MKI67: variants seen among roughly 807,000 people sequenced by gnomAD.
MKI67 encodes marker of proliferation Ki-67, also known as proliferation marker protein Ki-67.
In MKI67, 152 loss-of-function variants were observed where a neutral mutation model predicts 233.5. That is an observed-to-expected ratio of 0.65 (90% CI 0.57 to 0.74). The LOEUF (loss-of-function observed/expected upper bound fraction) is 0.74. Ranked by LOEUF, MKI67 falls within the 30% of genes least tolerant of loss-of-function variation. The pLI is 0.00. For synonymous variants in MKI67, 1,465 were observed against 1,418.5 expected (o/e 1.03, Z -0.74); for missense variants, 3,940 against 3,885.2 (o/e 1.01, Z -0.37).
chr10:128,100,550 T>A (rs1231540697), intron 14 of MKI67, among the ~76,000 whole-genome samples: 1 of 152,236 alleles, frequency 6.6e-6, no homozygotes, highest in Non-Finnish European at 1.5e-5. Context: ...ATTATATTTT[T>A]GTGAATTGCT....
chr10:128,105,028 G>C lies in MKI67; in HGVS notation c.6812C>G (p.Pro2271Arg). The C allele has an allele frequency of 6.2e-7, 1 of 1,613,118 alleles. No individual in the cohort carries two copies. The highest frequency in any genetic ancestry group is 8.5e-7 in the Non-Finnish European group (1 of 1,179,852). The change falls in exon 13 of 15, where the codon CCA (proline) becomes CGA (arginine). Residue 2271 changes from proline to arginine, a missense_variant. By Grantham distance (103) the Pro-to-Arg change is moderately radical. Transcript: ENST00000368654. ...SVGKAMDTPK[P>R]AGGDEKDMKA... ...CATGTCTTTCTCATCACCTCCTGCT[G>C]GTTTGGGTGTGTCCATAGCTTTCCC...
At chr10:128,121,704 C>T (rs1448055021) in intron 4 of MKI67, among the ~76,000 whole-genome samples, 1 of 150,548 alleles carries the variant, frequency 6.6e-6, no homozygotes, top group East Asian at 1.9e-4. Flanking sequence ...TAAAGCAAAC[C>T]TTGACACATT....
At position 128,105,562 on chromosome 10, in the gene MKI67, G is replaced by A. The variant is rs753990300; in HGVS notation, c.6278C>T (p.Thr2093Ile). Residue 2093 changes from threonine (T) to isoleucine (I), a missense_variant, in exon 13 of 15, where the codon ACA becomes ATA. Physicochemically the swap from Thr to Ile is moderately conservative, Grantham distance 89. Transcript: ENST00000368654. ...FQTPDHTEES[T>I]TDDKTTKIAC... ...TATTTTGGTAGTTTTGTCATCAGTT[G>A]TTGATTCCTCAGTGTGGTCTGGTGT... The A allele has an allele frequency of 2.0e-5, 32 of 1,613,906 alleles. No homozygotes were observed. The highest frequency in any genetic ancestry group is 2.5e-5 in the Non-Finnish European group (29 of 1,180,004).
In MKI67 at chr10:128,105,019, C is replaced by A; in HGVS notation, c.6821G>T (p.Gly2274Val). The change falls in exon 13 of 15, where the codon GGT becomes GTT. Residue 2274 changes from glycine to valine, a missense_variant. Physicochemically the swap from Gly to Val is moderately radical, Grantham distance 109 (BLOSUM62 -3). Transcript: ENST00000368654. ...AAATGCTTTCATGTCTTTCTCATCA[C>A]CTCCTGCTGGTTTGGGTGTGTCCAT... is the stretch of plus-strand genomic sequence containing the variant. ...KAMDTPKPAG[G>V]DEKDMKAFMG... 1.9e-6 allele frequency: 3 copies of A among 1,613,390 alleles called. No homozygotes were observed. The highest frequency in any genetic ancestry group is 2.5e-6 in the Non-Finnish European group (3 of 1,179,910).
intron 1 of MKI67, 37 bp downstream of exon 1, chr10:128,126,061 AC>A: frequency 4.1e-6 from 1 of 243,934 alleles, no homozygotes; most frequent in Non-Finnish European, 8.0e-6. Context: ...TCAGCCCTCG[AC>A]CCCGGACAGC....
rs193266380 is a variant in MKI67, at chr10:128,105,208, G to A, written c.6632C>T (p.Thr2211Met). 56 of 1,613,858 alleles carry A rather than the reference G, an allele frequency of 3.5e-5. No homozygotes were observed. The highest frequency in any genetic ancestry group is 1.6e-4 in the Middle Eastern group (1 of 6,078). The change falls in exon 13 of 15, where the codon ACG becomes ATG. Residue 2211 changes from threonine (T) to methionine (M), a missense_variant. Physicochemically the swap from Thr to Met is moderately conservative, Grantham distance 81. Coordinates refer to ENST00000368654, the MANE Select transcript of MKI67 (RefSeq NM_002417.5). ...FQTPICTDKP[T>M]THEKTTKIAC... ...TATTTTGGTAGTTTTCTCATGAGTC[G>A]TGGGCTTGTCAGTGCATATTGGTGT...
chr10:128,119,443 T>A, intron 4 of MKI67, 124 bp from the exon 5 acceptor site: 1 of 618,904 alleles, frequency 1.6e-6, no homozygotes, highest in Non-Finnish European at 2.8e-6. Flanking sequence ...GACATCACCT[T>A]ATACAAAGAA....
rs1301069040 is a variant in MKI67, at chr10:128,123,145, G to A, written c.117C>T (p.Ile39=). The A allele has an allele frequency of 1.2e-6, 2 of 1,613,912 alleles. No individual in the cohort carries two copies. Among genetic ancestry groups the A allele is most frequent in the Non-Finnish European group, 1.7e-6 (2 of 1,179,864 alleles). The change falls in exon 3 of 15, where the codon ATC becomes ATT. Residue 39 remains isoleucine, a synonymous_variant. Coordinates refer to ENST00000368654, the MANE Select transcript of MKI67 (RefSeq NM_002417.5). ...FGRGIECDIR[I]QLPVVSKQHC... is the part of the protein sequence containing the mutation. ...GTTGTTTTGACACAACAGGAAGCTG[G>A]ATACGGATGTCACATTCAATACCCC... is the stretch of plus-strand genomic sequence containing the variant.
chr10:128,109,511 T>A, intron 12 of MKI67, 88 bp from the exon 13 acceptor site: 1 of 1,416,176 alleles, frequency 7.1e-7, no homozygotes, highest in South Asian at 1.4e-5. Flanking sequence ...GGTAAAAAAC[T>A]AAATATTTAG....
Position 128,105,711 on chromosome 10 carries a change from C to A in MKI67, c.6129G>T (p.Lys2043Asn). Residue 2043 changes from lysine to asparagine, a missense_variant, in exon 13 of 15, where the codon AAG (lysine) becomes AAT (asparagine). Lys to Asn is a moderately conservative substitution (Grantham distance 94). Transcript: ENST00000368654. Reference protein sequence around the residue: ...AGDGKSIKAFKESAKQMLDPA... With the variant: ...AGDGKSIKAFNESAKQMLDPA... ...GGTCCAGCATCTGCTTTGCAGATTC[C>A]TTAAACGCTTTGATGCTCTTTCCAT... 1 of 1,614,116 alleles carries A rather than the reference C, an allele frequency of 6.2e-7. No homozygotes were observed. The highest frequency in any genetic ancestry group is 8.5e-7 in the Non-Finnish European group (1 of 1,180,042).
In MKI67 at chr10:128,109,488, C is replaced by T; in HGVS notation, c.2417-65G>A. On this transcript the variant is annotated intron_variant, in intron 12 of 14. Transcript: ENST00000368654. ...GTCTCATGTCAATCGAGTATTACAG[C>T]CTCATAAAATATGGTAAAAAACTAA... 2.0e-6 allele frequency: 3 copies of T among 1,509,502 alleles called. No individual in the cohort carries two copies. The South Asian group carries it at 3.9e-5, about 20-fold the overall frequency. 93.5% of individuals were successfully genotyped at this position (1,509,502 alleles called of 1,614,324 possible). A position where few individuals can be genotyped will look rare whatever the true frequency, so the allele number is the denominator to read the frequency against.
In MKI67 at chr10:128,115,138, C is replaced by T. The variant is rs778211280; in HGVS notation, c.1270G>A (p.Gly424Arg). 8 of 1,614,198 alleles carry T rather than the reference C, an allele frequency of 5.0e-6. No individual in the cohort carries two copies. The highest frequency in any genetic ancestry group is 6.8e-6 in the Non-Finnish European group (8 of 1,180,040). The change falls in exon 7 of 15, where the codon GGA (glycine) becomes AGA (arginine). Residue 424 changes from glycine to arginine, a missense_variant. Coordinates refer to ENST00000368654, the MANE Select transcript of MKI67 (RefSeq NM_002417.5). ...ACTTCCACATCTGTAGGAATACTTC[C>T]TCTGGTTTTGGAAGAGAGATTTTCT... The part of the protein sequence containing the change: ...KPENLSSKTR[G>R]SIPTDVEVLP...
intron 2 of MKI67, among the ~76,000 whole-genome samples, chr10:128,123,985 T>C (rs929587472): frequency 1.3e-5 from 2 of 152,214 alleles, no homozygotes; most frequent in Non-Finnish European, 2.9e-5. Context: ...GAATAAACTA[T>C]GCAATGGCCT....
chr10:128,119,193 T>TA (rs1852873287), intron 5 of MKI67, 60 bp downstream of exon 5: 2 of 1,186,034 alleles, frequency 1.7e-6, no homozygotes, highest in Non-Finnish European at 2.5e-6. Flanking sequence ...CATTAAAGCA[T>TA]ACATAAATGA....
chr10:128,099,157 CT>C lies in MKI67; in HGVS notation c.*32del, dbSNP rs765700688. The C allele has an allele frequency of 4.5e-6, 7 of 1,547,786 alleles. No homozygotes were observed. Among genetic ancestry groups the C allele is most frequent in the Non-Finnish European group, 6.2e-6 (7 of 1,128,584 alleles). ...GCACTAGAACTTATCACAAAACTAA[CT>C]TTATTATATTTTTCCCAGTTCGATT... is the stretch of plus-strand genomic sequence containing the variant. On this transcript the variant is annotated 3_prime_UTR_variant, in exon 15 of 15. Coordinates refer to ENST00000368654, the MANE Select transcript of MKI67 (RefSeq NM_002417.5).
rs1852463672 is a variant in MKI67 at position 128,105,529 on chromosome 10, T to C, written c.6311A>G (p.Lys2104Arg). ...GTCCATTGATTCTGGTGGTGGAGAT[T>C]TGCAGGCTATTTTGGTAGTTTTGTC... ...TDDKTTKIAC[K>R]SPPPESMDTP... The change falls in exon 13 of 15, where the codon AAA becomes AGA. Residue 2104 changes from lysine to arginine, a missense_variant. Coordinates refer to ENST00000368654, the MANE Select transcript of MKI67 (RefSeq NM_002417.5). 1 of 1,613,376 alleles carries C rather than the reference T, an allele frequency of 6.2e-7. No individual in the cohort carries two copies. The highest frequency in any genetic ancestry group is 1.3e-5 in the African/African-American group (1 of 74,674).
chr10:128,104,763 C>A lies in MKI67; in HGVS notation c.7077G>T (p.Arg2359=). The A allele has an allele frequency of 1.2e-6, 2 of 1,612,752 alleles. No individual in the cohort carries two copies. The highest frequency in any genetic ancestry group is 1.7e-6 in the Non-Finnish European group (2 of 1,179,786). ...CTGCTTTCCTGAGGTTTCTCTTGGG[C>A]CGTTGCTTTGTGCTTGCTGGGGTGT... ...PVDTPASTKQ[R]PKRNLRKADV... The change falls in exon 13 of 15, where the codon CGG becomes CGT. Residue 2359 remains arginine (R), a synonymous_variant. Coordinates refer to ENST00000368654, the MANE Select transcript of MKI67 (RefSeq NM_002417.5).
chr10:128,116,689 T>C (rs1473325445), intron 5 of MKI67, among the ~76,000 whole-genome samples, 153 bp from the exon 6 acceptor site: 1 of 152,208 alleles, frequency 6.6e-6, no homozygotes, highest in Non-Finnish European at 1.5e-5. Flanking sequence ...GGCGGATCAC[T>C]TGAGGTCAGG....
intron 2 of MKI67, among the ~76,000 whole-genome samples, chr10:128,123,818 T>A (rs1415223627): frequency 6.6e-6 from 1 of 151,784 alleles, no homozygotes; most frequent in East Asian, 1.9e-4. Context: ...AAAAAAAAAA[T>A]CTAAATTCAA....
Sources: gnomAD v4.1 joint callset for allele counts (sites outside exome capture counted in the v4.1 genomes callset) on GRCh38, gnomAD v4.1.1 for gene constraint, MANE v1.5 for transcripts, NCBI Gene and HGNC (gene_info 2026-07-23, HGNC 2026-07-21) for gene names.